Variants in STK17B observed in about 807,000 individuals in gnomAD.
STK17B encodes serine/threonine-protein kinase 17B.
Under a neutral mutation model 42.0 loss-of-function variants are expected in STK17B, and 21 were observed. That is an observed-to-expected ratio of 0.50 (90% CI 0.35 to 0.72). The LOEUF is 0.72. Among genes scored for constraint, STK17B ranks in the 30% least tolerant of loss-of-function variants. The probability of loss-of-function intolerance (pLI) is 0.00; values close to 1 mark genes in which losing one functional copy is unlikely to be tolerated. For synonymous variants in STK17B, 143 were observed against 148.4 expected (o/e 0.96, Z 0.26); for missense variants, 349 against 446.0 (o/e 0.78, Z 1.96).
chr2:196,156,666 G>A lies in STK17B; in HGVS notation c.123-15C>T. 1.3e-6 allele frequency: 2 copies of A among 1,590,058 alleles called. No homozygotes were observed. The highest frequency in any genetic ancestry group is 1.7e-6 in the Non-Finnish European group (2 of 1,165,262). ...CAAATTTTCCTCTGGGGGAAGATGA[G>A]AACAATCAATTTTAATTTTTCTGCA... On this transcript the variant is annotated splice_polypyrimidine_tract_variant and intron_variant, in intron 2 of 7. Transcript: ENST00000263955.
At chr2:196,167,222 A>T (rs1337033858) in intron 1 of STK17B, among the ~76,000 whole-genome samples, 1 of 152,210 alleles carries the variant, frequency 6.6e-6, no homozygotes, top group Non-Finnish European at 1.5e-5. Context: ...AAATAAGAGG[A>T]TCCTTGGCAT....
intron 6 of STK17B, among the ~76,000 whole-genome samples, chr2:196,140,220 C>A (rs926207421): frequency 1.3e-5 from 2 of 152,228 alleles, no homozygotes; most frequent in African/African-American, 4.8e-5. Flanking sequence ...TTTTTCACTG[C>A]AAACCTTTTA....
intron 2 of STK17B, among the ~76,000 whole-genome samples, chr2:196,161,622 G>A (rs922384415): frequency 1.4e-5 from 2 of 143,774 alleles, no homozygotes; most frequent in African/African-American, 5.2e-5. Context: ...GGGTTCAAGT[G>A]ATTCTTCTGC....
At chr2:196,158,100 G>C (rs751115380) in intron 2 of STK17B, among the ~76,000 whole-genome samples, 4 of 152,218 alleles carry the variant, frequency 2.6e-5, no homozygotes, top group Non-Finnish European at 4.4e-5. Context: ...AAGATCTTTA[G>C]GAAGCAATGT....
intron 3 of STK17B, among the ~76,000 whole-genome samples, chr2:196,151,996 G>C (rs1052555680): frequency 1.3e-5 from 2 of 152,114 alleles, no homozygotes; most frequent in Admixed American, 6.5e-5. Context: ...TCAAAAAATA[G>C]GTTAGGTAGA....
chr2:196,161,460 G>A (rs1464964365), intron 2 of STK17B, among the ~76,000 whole-genome samples: 1 of 146,594 alleles, frequency 6.8e-6, no homozygotes, highest in Non-Finnish European at 1.5e-5. Context: ...CAGGAATTAT[G>A]AAATGTGCTT....
chr2:196,133,748 G>A lies in STK17B; in HGVS notation c.*3699C>T, dbSNP rs1273643218. The A allele has an allele frequency of 6.6e-6, 1 of 152,118 alleles. No homozygotes were observed. The highest frequency in any genetic ancestry group is 1.5e-5 in the Non-Finnish European group (1 of 68,014). 9.4% of individuals were successfully genotyped at this position (152,118 alleles called of 1,614,324 possible). A position where few individuals can be genotyped will look rare whatever the true frequency, so the allele number is the denominator to read the frequency against. On this transcript the variant is annotated 3_prime_UTR_variant, in exon 8 of 8. Transcript: ENST00000263955. ...TGCTTTTTAATTTTTAGCCAGAATG[G>A]TCAAGTTGATGTAGATTTTTTTTAC...
intron 3 of STK17B, 54 bp from the exon 4 acceptor site, chr2:196,146,109 T>A: frequency 6.8e-7 from 1 of 1,480,076 alleles, no homozygotes; most frequent in Non-Finnish European, 9.0e-7. Context: ...CTAAACACTT[T>A]TAAATATTGT....
chr2:196,175,214 C>T (rs1699987303), upstream of STK17B, among the ~76,000 whole-genome samples: 1 of 152,108 alleles, frequency 6.6e-6, no homozygotes, highest in Non-Finnish European at 1.5e-5. Flanking sequence ...TTTATACTTA[C>T]AGCATGTCCC....
chr2:196,155,488 G>A (rs981131865), intron 3 of STK17B, among the ~76,000 whole-genome samples: 3 of 151,936 alleles, frequency 2.0e-5, no homozygotes, highest in African/African-American at 7.3e-5. Context: ...ACAAAAATAA[G>A]GTTAATATAC....
At position 196,139,684 on chromosome 2, in the gene STK17B, T is replaced by C; in HGVS notation, c.772A>G (p.Thr258Ala). The C allele has an allele frequency of 1.4e-6, 2 of 1,476,272 alleles. No individual in the cohort carries two copies. The highest frequency in any genetic ancestry group is 5.1e-5 in the East Asian group (2 of 39,590). 91.4% of individuals were successfully genotyped at this position (1,476,272 alleles called of 1,614,324 possible). A position where few individuals can be genotyped will look rare whatever the true frequency, so the allele number is the denominator to read the frequency against. The change falls in exon 7 of 8, where the codon ACT (threonine) becomes GCT (alanine). Residue 258 changes from threonine (T) to alanine (A), a missense_variant. Around this residue, in one of 3 missense-constraint regions of STK17B, gnomAD observed 256 missense variants for 347.7 expected, o/e 0.74. Transcript: ENST00000263955. ...GCCAGCTGTGAAACTGATGAAAAAGTTTCTTCCGAATAATCTACATTAACT... is the reference window on the plus strand; with the variant it reads ...GCCAGCTGTGAAACTGATGAAAAAGCTTCTTCCGAATAATCTACATTAACT... ...SQVNVDYSEETFSSVSQLATD... is the reference protein window; with the variant it reads ...SQVNVDYSEEAFSSVSQLATD...
intron 4 of STK17B, among the ~76,000 whole-genome samples, chr2:196,145,162 C>T (rs994115792): frequency 6.7e-6 from 1 of 149,702 alleles, no homozygotes; most frequent in Non-Finnish European, 1.5e-5. Context: ...AACAGAACTA[C>T]AGGGTTTTTT....
At chr2:196,146,434 G>A (rs1220338329) in intron 3 of STK17B, among the ~76,000 whole-genome samples, 1 of 152,066 alleles carries the variant, frequency 6.6e-6, no homozygotes, top group African/African-American at 2.4e-5. Flanking sequence ...AACCTGGGAG[G>A]CAAAGGTTGC....
At position 196,137,423 on chromosome 2, in the gene STK17B, C is replaced by T; in HGVS notation, c.*24G>A. The T allele has an allele frequency of 1.2e-6, 2 of 1,604,004 alleles. No individual in the cohort carries two copies. The highest frequency in any genetic ancestry group is 1.7e-6 in the Non-Finnish European group (2 of 1,175,512). ...GTGGATATAAAATTTCAAATTCAGT[C>T]CAAATGAGTCAAAGAAAAAAGTGCT... On this transcript the variant is annotated 3_prime_UTR_variant, in exon 8 of 8. Coordinates refer to ENST00000263955, the MANE Select transcript of STK17B (RefSeq NM_004226.4).
chr2:196,164,321 A>G lies in STK17B; in HGVS notation c.-44-894T>C, dbSNP rs186616550. On this transcript the variant is annotated intron_variant, in intron 1 of 7. Transcript: ENST00000263955. ...GACAGGACCTAGCACAGAGCCTGCT[A>G]TGTATGAAGTGCTCAATAATTTTGT... is the stretch of plus-strand genomic sequence containing the variant. Among the ~76,000 whole-genome samples, 17 of 152,326 alleles carry G rather than the reference A, an allele frequency of 1.1e-4. No homozygotes were observed. The East Asian group carries it at 2.9e-3, about 26-fold the overall frequency.
chr2:196,163,506 G>A (rs1699839246), intron 1 of STK17B, 79 bp from the exon 2 acceptor site: 5 of 1,053,178 alleles, frequency 4.7e-6, no homozygotes, highest in South Asian at 2.5e-5. Context: ...TCCAAATATA[G>A]CTATAAAATA....
At chr2:196,158,899 T>C (rs1699774736) in intron 2 of STK17B, among the ~76,000 whole-genome samples, 1 of 151,180 alleles carries the variant, frequency 6.6e-6, no homozygotes, top group Non-Finnish European at 1.5e-5. Context: ...TAATCCCAGC[T>C]ACTCAGGAAG....
chr2:196,139,517 A>G, intron 7 of STK17B, 103 bp downstream of exon 7: 1 of 737,930 alleles, frequency 1.4e-6, no homozygotes, highest in Non-Finnish European at 1.9e-6. Context: ...ATAATTTTAT[A>G]CTATTTTAGA....
chr2:196,150,180 A>T (rs11885759), intron 3 of STK17B, among the ~76,000 whole-genome samples: 729 of 4,218 alleles, frequency 0.17, 100 homozygotes, highest in Middle Eastern at 0.5. Context: ...AGCAGTGACT[A>T]AAAAAAAAAA....
Sources: gnomAD v4.1 joint callset for allele counts (sites outside exome capture counted in the v4.1 genomes callset) on GRCh38, gnomAD v4.1.1 for gene constraint, gnomAD v4.1.1 regional missense constraint, MANE v1.5 for transcripts, NCBI Gene and HGNC (gene_info 2026-07-23, HGNC 2026-07-21) for gene names.